The following TMEM178A variants were observed in gnomAD, a reference collection of about 807,000 sequenced individuals.
The protein encoded by TMEM178A is transmembrane protein 178A.
Under a neutral mutation model 29.1 loss-of-function variants are expected in TMEM178A, and 12 were observed. That is an observed-to-expected ratio of 0.41 (90% CI 0.26 to 0.67). TMEM178A has a LOEUF of 0.67. Among genes scored for constraint, TMEM178A ranks in the 30% least tolerant of loss-of-function variants. The pLI is 0.29. For synonymous variants in TMEM178A, 210 were observed against 187.2 expected, an observed-to-expected ratio of 1.12 and a Z score of -0.99; for missense variants, 366 against 419.1, an observed-to-expected ratio of 0.87 and a Z score of 1.11.
At chr2:39,707,989 C>T (rs113223747) in intron 3 of TMEM178A, among the ~76,000 whole-genome samples, 4 of 152,314 alleles carry the variant, frequency 2.6e-5, no homozygotes, top group East Asian at 3.9e-4. Context: ...TTACTATGTA[C>T]GAGGCACTGC....
chr2:39,715,818 T>C (rs1672509669), intron 3 of TMEM178A, among the ~76,000 whole-genome samples: 1 of 152,220 alleles, frequency 6.6e-6, no homozygotes, highest in South Asian at 2.1e-4. Context: ...TTCCTCCAAA[T>C]TGCTGCCTGC....
In TMEM178A at chr2:39,711,538, C is replaced by A. The variant is rs564768625; in HGVS notation, c.652+4352C>A. On this transcript the variant is annotated intron_variant, in intron 3 of 3. Transcript: ENST00000281961. ...CACACACAGCATGAGACAGTCCCTT[C>A]CTGACAGCAGAGACAGAGAAGACAG... is the stretch of plus-strand genomic sequence containing the variant. Among the ~76,000 whole-genome samples the A allele has an allele frequency of 5.3e-5, 8 of 152,284 alleles. No homozygotes were observed. In the South Asian group the frequency reaches 1.7e-3, roughly 32 times the overall value.
At chr2:39,696,941 C>G (rs377506728) in intron 1 of TMEM178A, among the ~76,000 whole-genome samples, 6 of 152,128 alleles carry the variant, frequency 3.9e-5, no homozygotes, top group East Asian at 1.9e-4. Flanking sequence ...TTTCTTCCCC[C>G]CATTGTGTGA....
chr2:39,674,472 C>T (rs1670530885), intron 1 of TMEM178A, among the ~76,000 whole-genome samples: 1 of 152,148 alleles, frequency 6.6e-6, no homozygotes, highest in African/African-American at 2.4e-5. Context: ...TATGAGGACT[C>T]AAAGGCATAA....
the TMEM178A span, among the ~76,000 whole-genome samples, chr2:39,735,451 T>G: frequency 1.3e-5 from 2 of 152,058 alleles, no homozygotes; most frequent in Non-Finnish European, 2.9e-5. Flanking sequence ...ATTCCTCAGG[T>G]TTTTGGTGTT....
At chr2:39,698,409 A>C (rs1363613733) in intron 1 of TMEM178A, among the ~76,000 whole-genome samples, 3 of 152,178 alleles carry the variant, frequency 2.0e-5, no homozygotes, top group African/African-American at 7.2e-5. Context: ...TGCATCTTTG[A>C]GATGATCAGG....
At chr2:39,675,841 G>A (rs920975947) in intron 1 of TMEM178A, among the ~76,000 whole-genome samples, 2 of 152,062 alleles carry the variant, frequency 1.3e-5, no homozygotes, top group Non-Finnish European at 1.5e-5. Flanking sequence ...GTGCAGTGGC[G>A]CGGTCATACT....
chr2:39,705,810 G>C (rs58054718), intron 2 of TMEM178A, among the ~76,000 whole-genome samples: 1 of 152,124 alleles, frequency 6.6e-6, no homozygotes, highest in Non-Finnish European at 1.5e-5. Flanking sequence ...CCCACACTTC[G>C]AACAGTGTGA....
intron 1 of TMEM178A, among the ~76,000 whole-genome samples, chr2:39,675,727 G>C (rs994917795): frequency 6.6e-6 from 1 of 151,310 alleles, no homozygotes; most frequent in South Asian, 2.1e-4. Context: ...TTTTTTCCTG[G>C]TCAGGTATTC....
chr2:39,729,479 T>G, the TMEM178A span, among the ~76,000 whole-genome samples: 2 of 152,196 alleles, frequency 1.3e-5, no homozygotes, highest in East Asian at 3.9e-4. Context: ...AATACGATAA[T>G]TCACCACTTT....
chr2:39,666,424 G>C (rs986288603), intron 1 of TMEM178A, 50 bp downstream of exon 1: 20 of 1,248,180 alleles, frequency 1.6e-5, no homozygotes, highest in Non-Finnish European at 2.0e-5. Flanking sequence ...GTGGAGCGCA[G>C]CCCGCGGCTT....
chr2:39,734,314 C>T, the TMEM178A span, among the ~76,000 whole-genome samples: 3 of 152,218 alleles, frequency 2.0e-5, no homozygotes, highest in Admixed American at 1.3e-4. Context: ...TCCTCTATAC[C>T]CTTTATTCAT....
intron 1 of TMEM178A, chr2:39,687,198 A>G (rs970855112): frequency 3.0e-5 from 5 of 165,464 alleles, no homozygotes; most frequent in African/African-American, 1.2e-4. Context: ...TCAGAACTGG[A>G]CCAGATGGCT....
intron 2 of TMEM178A, among the ~76,000 whole-genome samples, chr2:39,705,087 G>A (rs1360973427): frequency 6.6e-6 from 1 of 152,194 alleles, no homozygotes; most frequent in Non-Finnish European, 1.5e-5. Flanking sequence ...TCTTTCCAGA[G>A]AGCCATGTAG....
intron 1 of TMEM178A, among the ~76,000 whole-genome samples, chr2:39,701,334 A>G (rs1375760442): frequency 6.6e-6 from 1 of 152,050 alleles, no homozygotes; most frequent in Non-Finnish European, 1.5e-5. Context: ...TTCTTGGTTG[A>G]CAGTCTTCTT....
At chr2:39,718,131 T>C (rs1672622887), downstream of TMEM178A, among the ~76,000 whole-genome samples, 1 of 152,232 alleles carries the variant, frequency 6.6e-6, no homozygotes, top group African/African-American at 2.4e-5. Flanking sequence ...ACACTTGCTA[T>C]TGACAAAAGA....
chr2:39,668,202 G>C (rs549978139), intron 1 of TMEM178A, among the ~76,000 whole-genome samples: 5 of 152,296 alleles, frequency 3.3e-5, no homozygotes, highest in African/African-American at 1.2e-4. Flanking sequence ...GGACTTTAGA[G>C]GTCATTGAAG....
intron 1 of TMEM178A, among the ~76,000 whole-genome samples, chr2:39,666,820 G>A (rs1052027991): frequency 6.6e-6 from 1 of 152,218 alleles, no homozygotes; most frequent in African/African-American, 2.4e-5. Context: ...GCTCCTTTTG[G>A]AAATACCGTT....
At chr2:39,725,685 C>T in the TMEM178A span, among the ~76,000 whole-genome samples, 2 of 152,184 alleles carry the variant, frequency 1.3e-5, no homozygotes, top group African/African-American at 2.4e-5. Flanking sequence ...ATGAATGACG[C>T]ATCACTAAGA....
Sources: gnomAD v4.1 joint callset for allele counts (sites outside exome capture counted in the v4.1 genomes callset) on GRCh38, gnomAD v4.1.1 for gene constraint, MANE v1.5 for transcripts, NCBI Gene and HGNC (gene_info 2026-07-23, HGNC 2026-07-21) for gene names.